The following HEMGN variants were observed in gnomAD, a reference collection of about 807,000 sequenced individuals.
HEMGN encodes hemogen, also known as erythroid differentiation-associated gene protein.
In HEMGN, 32 loss-of-function variants were observed where a neutral mutation model predicts 45.7. That is an observed-to-expected ratio of 0.70 (90% confidence interval 0.53 to 0.94). The LOEUF is 0.94. Among genes scored for constraint, HEMGN ranks in the 40% least tolerant of loss-of-function variants. HEMGN has a pLI of 0.00. For missense variants in HEMGN, 530 were observed against 564.2 expected, an observed-to-expected ratio of 0.94 and a Z score of 0.61; for synonymous variants, 183 against 178.6, an observed-to-expected ratio of 1.02 and a Z score of -0.20.
In HEMGN at chr9:97,930,822, G is replaced by A. The variant is rs956159427; in HGVS notation, c.573C>T (p.Cys191=). The A allele has an allele frequency of 6.2e-7, 1 of 1,613,956 alleles. No homozygotes were observed. The highest frequency in any genetic ancestry group is 8.5e-7 in the Non-Finnish European group (1 of 1,180,002). The change falls in exon 3 of 4, where the codon TGC becomes TGT. Residue 191 remains cysteine, a synonymous_variant. Transcript: ENST00000616898. ...SVLQDNSSKI[C]QDMKEPEDNS... ...TGTCTTCAGGTTCCTTCATGTCTTG[G>A]CATATTTTGGAAGAATTGTCTTGAA...
At chr9:97,932,957 A>G (rs937116339) in intron 2 of HEMGN, among the ~76,000 whole-genome samples, 3 of 152,222 alleles carry the variant, frequency 2.0e-5, no homozygotes, top group African/African-American at 7.2e-5. Flanking sequence ...TTCCTTAGGA[A>G]ACACATATTT....
At chr9:97,928,203 A>T (rs900106074) in intron 3 of HEMGN, among the ~76,000 whole-genome samples, 1 of 150,514 alleles carries the variant, frequency 6.6e-6, no homozygotes, top group Admixed American at 6.6e-5. Context: ...ATTTTTTGTA[A>T]TTTTAGTAGA....
In HEMGN at chr9:97,930,490, T is replaced by C. The variant is rs1564120743; in HGVS notation, c.905A>G (p.Gln302Arg). The part of the protein sequence containing the change: ...AETEGLFPKI[Q>R]EIAEPKDLST... ...AAGGTCTTTAGGCTCAGCTATTTCTTGTATTTTAGGAAAAAGGCCTTCTGT... is the reference window on the plus strand; with the variant it reads ...AAGGTCTTTAGGCTCAGCTATTTCTCGTATTTTAGGAAAAAGGCCTTCTGT... Residue 302 changes from glutamine (Q) to arginine (R), a missense_variant, in exon 3 of 4, where the codon CAA becomes CGA. Gln to Arg is a conservative substitution (Grantham distance 43). Transcript: ENST00000616898. The C allele has an allele frequency of 1.9e-6, 3 of 1,614,072 alleles. No individual in the cohort carries two copies. In the East Asian group the frequency reaches 6.7e-5, roughly 36 times the overall value.
upstream of HEMGN, chr9:97,938,238 C>T: frequency 1.3e-6 from 1 of 759,432 alleles, no homozygotes; most frequent in South Asian, 1.6e-5. Context: ...AAAAAAACCA[C>T]ACACACAAGT....
At chr9:97,938,243 A>G, upstream of HEMGN, 1 of 738,472 alleles carries the variant, frequency 1.4e-6, no homozygotes, top group Non-Finnish European at 2.3e-6. Context: ...AACCACACAC[A>G]CAAGTTTGCC....
At chr9:97,937,057 C>T (rs1038029888) in intron 1 of HEMGN, among the ~76,000 whole-genome samples, 24 of 152,102 alleles carry the variant, frequency 1.6e-4, no homozygotes, top group African/African-American at 5.6e-4. Context: ...AAGAATAGAG[C>T]ATGCCCCTTG....
At chr9:97,937,320 A>T (rs1827080318) in intron 1 of HEMGN, among the ~76,000 whole-genome samples, 1 of 151,990 alleles carries the variant, frequency 6.6e-6, no homozygotes, top group East Asian at 1.9e-4. Context: ...TCATCCCATC[A>T]CCTAGGTATT....
chr9:97,938,603 G>A (rs773636052), upstream of HEMGN, among the ~76,000 whole-genome samples: 3 of 152,172 alleles, frequency 2.0e-5, no homozygotes, highest in Non-Finnish European at 4.4e-5. Context: ...TTTGCAAAAT[G>A]GGTAAATAAT....
At chr9:97,929,943 A>ACC (rs1826908738) in intron 3 of HEMGN, 92 bp downstream of exon 3, 1 of 890,108 alleles carries the variant, frequency 1.1e-6, no homozygotes, top group Non-Finnish European at 1.8e-6. Flanking sequence ...TATCCATTGA[A>ACC]ATAACAGGGA....
At chr9:97,937,837 G>C (rs1370804314) in intron 1 of HEMGN, among the ~76,000 whole-genome samples, 1 of 152,142 alleles carries the variant, frequency 6.6e-6, no homozygotes, top group Non-Finnish European at 1.5e-5. Flanking sequence ...CTTATTGCCA[G>C]ATCTCTTTCC....
chr9:97,932,607 C>A (rs183474875), intron 2 of HEMGN, among the ~76,000 whole-genome samples: 1 of 152,192 alleles, frequency 6.6e-6, no homozygotes, highest in African/African-American at 2.4e-5. Flanking sequence ...AGTTCAAGAC[C>A]AGCCTGGCCA....
Position 97,930,600 on chromosome 9 carries a change from A to G in HEMGN, c.795T>C (p.Asp265=). Residue 265 remains aspartate (D), a synonymous_variant, in exon 3 of 4, where the codon GAT becomes GAC. Coordinates refer to ENST00000616898, the MANE Select transcript of HEMGN (RefSeq NM_197978.3). ...GCSLQAYPKP[D]VPKGYILDTD... ...TGTCAAGAATATAGCCTTTAGGCACATCTGGTTTTGGATATGCTTGAAGAG... is the reference window on the plus strand; with the variant it reads ...TGTCAAGAATATAGCCTTTAGGCACGTCTGGTTTTGGATATGCTTGAAGAG... 1.9e-6 allele frequency: 3 copies of G among 1,614,168 alleles called. No individual in the cohort carries two copies. Among genetic ancestry groups the G allele is most frequent in the Non-Finnish European group, 2.5e-6 (3 of 1,180,024 alleles).
chr9:97,930,055 T>C lies in HEMGN; in HGVS notation c.1340A>G (p.Asp447Gly), dbSNP rs140657626. The change falls in exon 3 of 4, where the codon GAT (aspartate) becomes GGT (glycine). Residue 447 changes from aspartate (D) to glycine (G), a missense_variant. Physicochemically the swap from Asp to Gly is moderately conservative, Grantham distance 94. Transcript: ENST00000616898. The part of the protein sequence containing the change: ...DPKAHQEDAK[D>G]AYTFPQEMKE... ...CTTACCTTGAGGAAAAGTATAAGCA[T>C]CTTTAGCATCTTCCTGGTGTGCTTT... 3.5e-4 allele frequency: 560 copies of C among 1,613,592 alleles called. No individual in the cohort carries two copies. The highest frequency in any genetic ancestry group is 4.5e-4 in the Non-Finnish European group (533 of 1,179,898).
chr9:97,942,274 CTTTT>C (rs56055830), upstream of HEMGN, among the ~76,000 whole-genome samples: 21 of 128,180 alleles, frequency 1.6e-4, no homozygotes, highest in Admixed American at 3.3e-4. Flanking sequence ...CTAATTCCTT[CTTTT>C]TTTTTTTTTT....
In HEMGN at chr9:97,930,783, T is replaced by C; in HGVS notation, c.612A>G (p.Thr204=). The part of the protein sequence containing the change: ...MKEPEDNSPN[T]CQVISVIQDH... ...CTTGAATTACAGATATTACTTGGCA[T>C]GTGTTAGGAGAGTTGTCTTCAGGTT... is the stretch of plus-strand genomic sequence containing the variant. The change falls in exon 3 of 4, where the codon ACA becomes ACG. Residue 204 remains threonine (T), a synonymous_variant. Coordinates refer to ENST00000616898, the MANE Select transcript of HEMGN (RefSeq NM_197978.3). 1.2e-6 allele frequency: 2 copies of C among 1,614,172 alleles called. No individual in the cohort carries two copies. The highest frequency in any genetic ancestry group is 1.7e-6 in the Non-Finnish European group (2 of 1,179,984).
intron 3 of HEMGN, among the ~76,000 whole-genome samples, chr9:97,928,047 G>A (rs1032697221): frequency 7.5e-6 from 1 of 132,670 alleles, no homozygotes; most frequent in Admixed American, 7.8e-5. Flanking sequence ...TTTTTTTTGA[G>A]CCGGAGTCTC....
At chr9:97,940,182 A>G (rs895843803), upstream of HEMGN, among the ~76,000 whole-genome samples, 4 of 152,230 alleles carry the variant, frequency 2.6e-5, no homozygotes, top group African/African-American at 9.6e-5. Context: ...TCAACAATTC[A>G]GCAAATTTTA....
chr9:97,934,508 G>A (rs1413460474), intron 2 of HEMGN, among the ~76,000 whole-genome samples: 1 of 150,892 alleles, frequency 6.6e-6, no homozygotes, highest in Non-Finnish European at 1.5e-5. Flanking sequence ...CAAATGCACC[G>A]TCTCTGTAGA....
intron 2 of HEMGN, among the ~76,000 whole-genome samples, chr9:97,933,645 C>T (rs1270919401): frequency 1.3e-5 from 2 of 152,048 alleles, no homozygotes; most frequent in South Asian, 2.1e-4. Flanking sequence ...ATTTATTTTC[C>T]ATAATATTTC....
Sources: allele counts gnomAD v4.1 joint callset (sites outside exome capture counted in the v4.1 genomes callset), GRCh38; gene constraint gnomAD v4.1.1; transcripts MANE v1.5; gene names NCBI Gene and HGNC (gene_info 2026-07-23, HGNC 2026-07-21).